Variants in TFAP2E observed in about 807,000 individuals in gnomAD.
TFAP2E encodes the protein transcription factor AP-2 epsilon, also known as transcription factor AP-2-epsilon.
TFAP2E carries 30 observed loss-of-function variants against 37.9 expected under a neutral mutation model. The ratio of observed to expected loss-of-function variants is 0.79; its 90% CI spans 0.59 to 1.07. The LOEUF (loss-of-function observed/expected upper bound fraction) is 1.07. Ranked by LOEUF, TFAP2E falls within the 50% of genes least tolerant of loss-of-function variation. TFAP2E has a pLI of 0.00. For synonymous variants in TFAP2E, 318 were observed against 295.8 expected (o/e 1.08, Z -0.77); for missense variants, 567 against 637.9 (o/e 0.89, Z 1.20).
rs988552942 is a variant in TFAP2E at position 35,588,981 on chromosome 1, G to C, written c.785+429G>C. 3.3e-5 allele frequency among the ~76,000 whole-genome samples: 5 copies of C among 151,944 alleles called. No individual in the cohort carries two copies. The highest frequency in any genetic ancestry group is 1.2e-4 in the African/African-American group (5 of 41,390). On this transcript the variant is annotated intron_variant, in intron 4 of 6. Coordinates refer to ENST00000373235, the MANE Select transcript of TFAP2E (RefSeq NM_178548.4). This position sits in a 1 kb window ranked among gnomAD's most constrained non-coding sequence, Gnocchi z 5.1. ...CCATGGTTCATCTTCCTAGACCTGT[G>C]TCTCTCTCTCTCTGTGCATGTCTTT...
At chr1:35,581,848 A>G (rs1257702168) in intron 3 of TFAP2E, among the ~76,000 whole-genome samples, 2 of 151,860 alleles carry the variant, frequency 1.3e-5, no homozygotes, top group African/African-American at 4.8e-5. Context: ...CTGGGCTTAC[A>G]GGTATGAGCC....
At position 35,583,548 on chromosome 1, in the gene TFAP2E, G is replaced by A. The variant is rs889223320; in HGVS notation, c.563-4782G>A. Among the ~76,000 whole-genome samples the A allele has an allele frequency of 5.9e-5, 9 of 151,986 alleles. 1 individual carries two copies. In the East Asian group the frequency reaches 9.7e-4, roughly 16 times the overall value. ...AAGTCAGACCATATCTACCACCTGC[G>A]GACAGAGTGCCTTGTCTGACAGGTT... is the stretch of plus-strand genomic sequence containing the variant. On this transcript the variant is annotated intron_variant, in intron 3 of 6. Coordinates refer to ENST00000373235, the MANE Select transcript of TFAP2E (RefSeq NM_178548.4).
At chr1:35,591,128 C>G (rs567458436) in intron 6 of TFAP2E, among the ~76,000 whole-genome samples, 23 of 152,184 alleles carry the variant, frequency 1.5e-4, no homozygotes, top group African/African-American at 5.5e-4. Context: ...CATATGTGTG[C>G]ATGCCACCTG....
At chr1:35,582,996 G>A (rs1459418348) in intron 3 of TFAP2E, among the ~76,000 whole-genome samples, 5 of 151,738 alleles carry the variant, frequency 3.3e-5, no homozygotes, top group African/African-American at 1.2e-4. Flanking sequence ...TCCGCCTCCC[G>A]GGTTCAAGCG....
Position 35,574,269 on chromosome 1 carries a change from C to G in TFAP2E, c.370C>G (p.Leu124Val). 7.2e-7 allele frequency: 1 copy of G among 1,385,386 alleles called. No homozygotes were observed. The highest frequency in any genetic ancestry group is 3.8e-5 in the East Asian group (1 of 26,282). The allele number at this position is 1,385,386 out of a possible 1,614,324, so 85.8% of individuals were successfully genotyped here. The change falls in exon 2 of 7, where the codon CTG becomes GTG. Residue 124 changes from leucine (L) to valine (V), a missense_variant. Around this residue, in one of 3 missense-constraint regions of TFAP2E, gnomAD observed 312 missense variants for 317.4 expected, o/e 0.98. Transcript: ENST00000373235. ...PGLLAPPARALGLDPRRDYAT... is the reference protein window; with the variant it reads ...PGLLAPPARAVGLDPRRDYAT... ...CCTGCTGGCACCGCCCGCCCGCGCC[C>G]TGGGCCTTGACCCGCGCCGTGACTA... is the stretch of plus-strand genomic sequence containing the variant.
intron 3 of TFAP2E, among the ~76,000 whole-genome samples, chr1:35,587,940 G>A (rs1374254328): frequency 2.6e-5 from 4 of 152,118 alleles, no homozygotes; most frequent in Admixed American, 2.6e-4. Flanking sequence ...AATCACGAAT[G>A]GGAAGAGGGG....
Position 35,573,983 on chromosome 1 carries a change from C to T in TFAP2E, c.84C>T (p.Pro28=). 7 of 1,487,030 alleles carry T rather than the reference C, an allele frequency of 4.7e-6. No individual in the cohort carries two copies. Among genetic ancestry groups the T allele is most frequent in the Non-Finnish European group, 6.2e-6 (7 of 1,129,780 alleles). The allele number at this position is 1,487,030 out of a possible 1,614,324, so 92.1% of individuals were successfully genotyped here. The part of the protein sequence containing the change: ...AAGGARLSSL[P]QAAYGPAPPL... The stretch of plus-strand genomic sequence containing the variant: ...GCGGGGCCCGCCTGTCGTCTCTGCC[C>T]CAGGCGGCCTACGGGCCGGCGCCCC... Residue 28 remains proline, a synonymous_variant, in exon 2 of 7, where the codon CCC becomes CCT. Transcript: ENST00000373235. This position sits in a 1 kb window ranked among gnomAD's most constrained non-coding sequence, Gnocchi z 5.9.
intron 3 of TFAP2E, among the ~76,000 whole-genome samples, chr1:35,583,603 A>AGTGTGTGTGTGTGT (rs201106841): frequency 2.2e-4 from 31 of 138,006 alleles, no homozygotes; most frequent in African/African-American, 6.9e-4. Flanking sequence ...TGTCTGCAGG[A>AGTGTGTGTGTGTGT]GTGTGTGTGT....
Position 35,590,662 on chromosome 1 carries a change from C to A in TFAP2E, c.933C>A (p.Phe311Leu). The A allele has an allele frequency of 6.5e-7, 1 of 1,538,458 alleles. No homozygotes were observed. Among genetic ancestry groups the A allele is most frequent in the Non-Finnish European group, 8.8e-7 (1 of 1,132,222 alleles). Residue 311 changes from phenylalanine to leucine, a missense_variant, in exon 6 of 7, where the codon TTC becomes TTA. Coordinates refer to ENST00000373235, the MANE Select transcript of TFAP2E (RefSeq NM_178548.4). The surrounding 1 kb of genome is among the most constrained non-coding windows in gnomAD (Gnocchi z 6.2). Reference protein sequence around the residue: ...EGEAVHLARDFGYVCETEFPA... With the variant: ...EGEAVHLARDLGYVCETEFPA... ...AGGCCGTGCACCTGGCCCGAGACTT[C>A]GGTTACGTCTGTGAGACGGAGTTCC...
intron 3 of TFAP2E, among the ~76,000 whole-genome samples, chr1:35,581,954 CA>C (rs1649363732): frequency 5.3e-5 from 8 of 150,090 alleles, no homozygotes; most frequent in Non-Finnish European, 1.0e-4. Flanking sequence ...CGGCTCACTG[CA>C]ACTTCTGCCT....
At position 35,594,514 on chromosome 1, in the gene TFAP2E, C is replaced by T; in HGVS notation, c.1167C>T (p.Ile389=). The T allele has an allele frequency of 1.2e-6, 2 of 1,614,234 alleles. No homozygotes were observed. The highest frequency in any genetic ancestry group is 1.7e-6 in the Non-Finnish European group (2 of 1,180,032). Residue 389 remains isoleucine (I), a synonymous_variant, in exon 7 of 7, where the codon ATC becomes ATT. Coordinates refer to ENST00000373235, the MANE Select transcript of TFAP2E (RefSeq NM_178548.4). ...GCTGCTTGACACACTTTAGCCTCAT[C>T]ACCCATGGCTTCGGTGGGCCTGCCA... ...VQSCLTHFSL[I]THGFGGPAIC...
Position 35,589,998 on chromosome 1 carries a change from C to G in TFAP2E, c.854C>G (p.Ala285Gly). 1.2e-6 allele frequency: 2 copies of G among 1,614,136 alleles called. No homozygotes were observed. The highest frequency in any genetic ancestry group is 1.7e-6 in the Non-Finnish European group (2 of 1,179,992). Residue 285 changes from alanine to glycine, a missense_variant, in exon 5 of 7, where the codon GCT (alanine) becomes GGT (glycine). Physicochemically the swap from Ala to Gly is moderately conservative, Grantham distance 60 (BLOSUM62 0). Coordinates refer to ENST00000373235, the MANE Select transcript of TFAP2E (RefSeq NM_178548.4). ...RLEKIGLNLP[A>G]GRRKAANVTL... ...GAGAAGATTGGGCTCAACCTGCCAG[C>G]TGGCCGTCGCAAGGCCGCCAATGTG...
At chr1:35,574,599 A>C in intron 2 of TFAP2E, 190 bp downstream of exon 2, 1 of 1,021,774 alleles carries the variant, frequency 9.8e-7, no homozygotes, top group Non-Finnish European at 1.4e-6. Flanking sequence ...CCTGGCACTG[A>C]GTCCGCCAGC....
At chr1:35,585,308 T>C (rs1295483420) in intron 3 of TFAP2E, among the ~76,000 whole-genome samples, 1 of 152,232 alleles carries the variant, frequency 6.6e-6, no homozygotes, top group Non-Finnish European at 1.5e-5. Flanking sequence ...TCCAGAATCC[T>C]AGTTTCAAAA....
Position 35,588,207 on chromosome 1 carries a change from G to A in TFAP2E, c.563-123G>A, listed in dbSNP as rs1324817263. 5 of 948,474 alleles carry A rather than the reference G, an allele frequency of 5.3e-6. No homozygotes were observed. The highest frequency in any genetic ancestry group is 6.1e-6 in the Non-Finnish European group (4 of 655,158). 58.8% of individuals were successfully genotyped at this position (948,474 alleles called of 1,614,324 possible). On this transcript the variant is annotated intron_variant, in intron 3 of 6. Transcript: ENST00000373235. The surrounding 1 kb of genome is among the most constrained non-coding windows in gnomAD (Gnocchi z 5.1). Reference sequence around the variant, plus strand: ...CACATCCATCAGTTGAGGGAACTTGGGCGAGTCACTTTCACCTCACTGTGG... The same window carrying A: ...CACATCCATCAGTTGAGGGAACTTGAGCGAGTCACTTTCACCTCACTGTGG...
rs1649609236 is a variant in TFAP2E, at chr1:35,589,964, G to A, written c.820G>A (p.Glu274Lys). ...KSKNGGRCLR[E>K]RLEKIGLNLP... ...CAAAAATGGGGGCCGGTGTTTGCGG[G>A]AACGGTTAGAGAAGATTGGGCTCAA... The change falls in exon 5 of 7, where the codon GAA (glutamate) becomes AAA (lysine). Residue 274 changes from glutamate (E) to lysine (K), a missense_variant. Transcript: ENST00000373235. 7 of 1,614,090 alleles carry A rather than the reference G, an allele frequency of 4.3e-6. No individual in the cohort carries two copies. The highest frequency in any genetic ancestry group is 5.9e-6 in the Non-Finnish European group (7 of 1,179,976).
intron 2 of TFAP2E, chr1:35,574,681 C>A (rs1649117190): frequency 1.5e-6 from 1 of 651,194 alleles, no homozygotes; most frequent in Non-Finnish European, 2.6e-6. Flanking sequence ...CGTGTGGCAT[C>A]CATGGGGCAG....
Position 35,594,518 on chromosome 1 carries a change from C to T in TFAP2E, c.1171C>T (p.His391Tyr). 1 of 1,614,240 alleles carries T rather than the reference C, an allele frequency of 6.2e-7. No homozygotes were observed. The highest frequency in any genetic ancestry group is 8.5e-7 in the Non-Finnish European group (1 of 1,180,048). The change falls in exon 7 of 7, where the codon CAT becomes TAT. Residue 391 changes from histidine to tyrosine, a missense_variant. Around this residue, in one of 3 missense-constraint regions of TFAP2E, gnomAD observed 252 missense variants for 302.6 expected, o/e 0.83. Coordinates refer to ENST00000373235, the MANE Select transcript of TFAP2E (RefSeq NM_178548.4). ...SCLTHFSLIT[H>Y]GFGGPAICAA... Reference sequence around the variant, plus strand: ...CTTGACACACTTTAGCCTCATCACCCATGGCTTCGGTGGGCCTGCCATCTG... The same window carrying T: ...CTTGACACACTTTAGCCTCATCACCTATGGCTTCGGTGGGCCTGCCATCTG...
Position 35,594,435 on chromosome 1 carries a change from G to C in TFAP2E, c.1088G>C (p.Arg363Pro). ...TTTGCAGACTTGATGGCTCAGGACC[G>C]CTCACCGCTGGGCAACAGCCGCCCA... ...KEFADLMAQD[R>P]SPLGNSRPAL... Residue 363 changes from arginine (R) to proline (P), a missense_variant, in exon 7 of 7, where the codon CGC becomes CCC. This residue lies in a region of TFAP2E where 252 missense variants were observed against 302.6 expected (regional missense o/e 0.83). Transcript: ENST00000373235. The C allele has an allele frequency of 1.9e-6, 3 of 1,614,060 alleles. No homozygotes were observed. Among genetic ancestry groups the C allele is most frequent in the Non-Finnish European group, 2.5e-6 (3 of 1,180,028 alleles).
Sources: allele counts gnomAD v4.1 joint callset (sites outside exome capture counted in the v4.1 genomes callset), GRCh38; gene constraint gnomAD v4.1.1; regional missense constraint gnomAD v4.1.1; non-coding constraint Gnocchi (gnomAD v3.1); transcripts MANE v1.5; gene names NCBI Gene and HGNC (gene_info 2026-07-23, HGNC 2026-07-21).